CALN1: variants seen among roughly 807,000 people sequenced by gnomAD.
CALN1 encodes the protein calcium-binding protein 8.
A neutral mutation model predicts 30.6 loss-of-function variants in CALN1; 17 were observed. The ratio of observed to expected loss-of-function variants is 0.56; its 90% CI spans 0.38 to 0.83. The LOEUF is 0.83. Ranked by LOEUF, CALN1 falls within the 40% of genes least tolerant of loss-of-function variation. The pLI, the probability that CALN1 is intolerant of heterozygous loss-of-function variation, is 0.00. For missense variants in CALN1, 291 were observed against 354.9 expected, an observed-to-expected ratio of 0.82 and a Z score of 1.45; for synonymous variants, 156 against 131.4, an observed-to-expected ratio of 1.19 and a Z score of -1.28.
At chr7:71,794,769 A>G (rs1786789630) in intron 6 of CALN1, among the ~76,000 whole-genome samples, 1 of 152,124 alleles carries the variant, frequency 6.6e-6, no homozygotes, top group Non-Finnish European at 1.5e-5. Flanking sequence ...ATGCTCCCAA[A>G]TCTTTGTTTT....
At chr7:72,174,605 GA>G (rs1282961843) in intron 3 of CALN1, among the ~76,000 whole-genome samples, 1 of 152,118 alleles carries the variant, frequency 6.6e-6, no homozygotes, top group Non-Finnish European at 1.5e-5. Flanking sequence ...TAACAACACA[GA>G]TGAATCTCAA....
chr7:71,879,427 G>C (rs1248452672), intron 5 of CALN1, among the ~76,000 whole-genome samples: 1 of 152,154 alleles, frequency 6.6e-6, no homozygotes, highest in Admixed American at 6.5e-5. Context: ...TAAAGGAGGG[G>C]AGATAAACTC....
intron 2 of CALN1, among the ~76,000 whole-genome samples, chr7:72,385,863 G>C (rs1436886832): frequency 6.6e-6 from 1 of 152,126 alleles, no homozygotes; most frequent in Non-Finnish European, 1.5e-5. Flanking sequence ...AGGCCTCCCT[G>C]ACCATGCAAA....
chr7:72,158,086 T>C (rs1232639989), intron 3 of CALN1, among the ~76,000 whole-genome samples: 2 of 152,326 alleles, frequency 1.3e-5, no homozygotes, highest in East Asian at 1.9e-4. Flanking sequence ...ATCAGATTTA[T>C]ATTTCACTCA....
At chr7:72,492,081 C>A in the CALN1 span, among the ~76,000 whole-genome samples, 4 of 152,276 alleles carry the variant, frequency 2.6e-5, no homozygotes, top group South Asian at 6.2e-4. Context: ...GATCAGGCAC[C>A]TAGGCTAGGC....
At chr7:71,803,951 TG>T (rs1241281598) in intron 6 of CALN1, among the ~76,000 whole-genome samples, 16 of 150 alleles carry the variant, frequency 0.11, no homozygotes, top group Admixed American at 0.44. Context: ...TGTGTGTGCG[TG>T]TGTGTGTGTG....
intron 3 of CALN1, among the ~76,000 whole-genome samples, chr7:72,224,197 T>C (rs757157599): frequency 6.6e-6 from 1 of 152,168 alleles, no homozygotes; most frequent in Non-Finnish European, 1.5e-5. Flanking sequence ...TGAAATTATT[T>C]TTTAAATTAA....
the CALN1 span, among the ~76,000 whole-genome samples, chr7:72,487,734 A>AAAGAAAGAAAGGAAGG: frequency 2.0e-3 from 116 of 56,600 alleles, 2 homozygotes; most frequent in Non-Finnish European, 2.7e-3. Flanking sequence ...AGAAAGAAAG[A>AAAGAAAGAAAGGAAGG]AAGGAAGGAA....
upstream of CALN1, among the ~76,000 whole-genome samples, chr7:72,413,811 T>C (rs76105505): frequency 0.029 from 4,412 of 151,750 alleles, 405 homozygotes; most frequent in East Asian, 0.33. Flanking sequence ...TTCCCACTTA[T>C]GCATTCACAT....
intron 2 of CALN1, among the ~76,000 whole-genome samples, chr7:72,378,648 C>T (rs1160667470): frequency 6.6e-6 from 1 of 151,648 alleles, no homozygotes; most frequent in African/African-American, 2.4e-5. Context: ...CTTAGAATCT[C>T]CATTAGGTAA....
At chr7:72,502,195 C>T in the CALN1 span, among the ~76,000 whole-genome samples, 1 of 148,886 alleles carries the variant, frequency 6.7e-6, no homozygotes, top group Non-Finnish European at 1.5e-5. Context: ...TTAGGAGGGA[C>T]GAGGTCAGAA....
intron 2 of CALN1, among the ~76,000 whole-genome samples, chr7:72,382,225 G>T (rs904298683): frequency 6.6e-6 from 1 of 152,128 alleles, no homozygotes; most frequent in Non-Finnish European, 1.5e-5. Context: ...CTATATCCAG[G>T]GAGATTAGCA....
chr7:71,958,332 T>A (rs1035798562), intron 5 of CALN1, among the ~76,000 whole-genome samples: 1 of 152,166 alleles, frequency 6.6e-6, no homozygotes, highest in Non-Finnish European at 1.5e-5. Flanking sequence ...CTGGTCTTGT[T>A]AAAATGAGCT....
the CALN1 span, among the ~76,000 whole-genome samples, chr7:72,471,322 G>C: frequency 6.6e-6 from 1 of 152,176 alleles, no homozygotes; most frequent in Non-Finnish European, 1.5e-5. Flanking sequence ...ATTTCATTGG[G>C]ATCTCCTTTG....
At chr7:72,348,555 G>T (rs186720302) in intron 2 of CALN1, among the ~76,000 whole-genome samples, 1 of 152,322 alleles carries the variant, frequency 6.6e-6, no homozygotes, top group East Asian at 1.9e-4. Context: ...ATCCCATGCC[G>T]CTAGGCAGAG....
chr7:72,332,659 C>T (rs10229537), intron 2 of CALN1, among the ~76,000 whole-genome samples: 29,780 of 151,998 alleles, frequency 0.2, 3,834 homozygotes, highest in East Asian at 0.4. Context: ...CTGAGTATTC[C>T]ATGCCTGGTT....
intron 1 of CALN1, among the ~76,000 whole-genome samples, chr7:72,442,987 T>G (rs1022112821): frequency 4.0e-5 from 6 of 151,764 alleles, no homozygotes; most frequent in Admixed American, 2.6e-4. Flanking sequence ...TGCACTTTAT[T>G]AAGGGTTGTG....
intron 4 of CALN1, among the ~76,000 whole-genome samples, chr7:72,075,585 A>G (rs1191547687): frequency 1.3e-5 from 2 of 152,138 alleles, no homozygotes; most frequent in Non-Finnish European, 2.9e-5. Context: ...ACTTTGTGGG[A>G]AATTAATGCT....
At chr7:72,252,348 C>T (rs1227318991) in intron 3 of CALN1, among the ~76,000 whole-genome samples, 1 of 152,120 alleles carries the variant, frequency 6.6e-6, no homozygotes, top group Non-Finnish European at 1.5e-5. Context: ...ATCTATATTC[C>T]TAGCACTTAG....
Sources: allele counts gnomAD v4.1 joint callset (sites outside exome capture counted in the v4.1 genomes callset), GRCh38; gene constraint gnomAD v4.1.1; transcripts MANE v1.5; gene names NCBI Gene and HGNC (gene_info 2026-07-23, HGNC 2026-07-21).